The following MYH15 variants were observed in gnomAD, a reference collection of about 807,000 sequenced individuals.
MYH15 encodes myosin-15.
In MYH15, 227 loss-of-function variants were observed where a neutral mutation model predicts 240.5. The ratio of observed to expected loss-of-function variants is 0.94; its 90% confidence interval spans 0.85 to 1.05. The LOEUF (loss-of-function observed/expected upper bound fraction) is 1.05. MYH15 is among the 50% of genes least tolerant of loss of function. The probability of loss-of-function intolerance (pLI) is 0.00; values close to 1 mark genes in which losing one functional copy is unlikely to be tolerated. For missense variants in MYH15, 2,217 were observed against 2,247.5 expected (o/e 0.99, Z 0.27); for synonymous variants, 785 against 796.7 (o/e 0.99, Z 0.25).
chr3:108,432,734 GC>G (rs576822965), intron 25 of MYH15, among the ~76,000 whole-genome samples: 105 of 152,322 alleles, frequency 6.9e-4, no homozygotes, highest in Non-Finnish European at 1.1e-3. Flanking sequence ...GAGGGTGCAA[GC>G]CCCAAGCCTT....
chr3:108,498,015 C>T, intron 6 of MYH15, 37 bp downstream of exon 6: 1 of 1,571,958 alleles, frequency 6.4e-7, no homozygotes, highest in Non-Finnish European at 8.8e-7. Context: ...TGGATAGGGC[C>T]ACCTCATCTT....
intron 18 of MYH15, 30 bp downstream of exon 18, chr3:108,459,332 G>T: frequency 6.6e-6 from 9 of 1,367,254 alleles, no homozygotes; most frequent in Non-Finnish European, 9.2e-6. Context: ...CTATTTCCTA[G>T]TGTGAATTAC....
chr3:108,486,147 A>G (rs753246869), intron 10 of MYH15, among the ~76,000 whole-genome samples: 1 of 152,248 alleles, frequency 6.6e-6, no homozygotes, highest in Non-Finnish European at 1.5e-5. Flanking sequence ...CTGCAAATAG[A>G]TAAAAACAGA....
Position 108,455,721 on chromosome 3 carries a change from C to T in MYH15, c.2262+15G>A, listed in dbSNP as rs762894192. The T allele has an allele frequency of 6.2e-6, 10 of 1,612,750 alleles. No homozygotes were observed. In the Admixed American group the frequency reaches 1.7e-4, roughly 27 times the overall value. On this transcript the variant is annotated intron_variant, in intron 20 of 40. Transcript: ENST00000693548. ...CATTCGTCTCCAAATGCATTCTTTGCAGTTTTCTGGTTACCTTAGTGATTC... is the reference window on the plus strand; with the variant it reads ...CATTCGTCTCCAAATGCATTCTTTGTAGTTTTCTGGTTACCTTAGTGATTC...
At chr3:108,445,505 A>G (rs997605398) in intron 21 of MYH15, among the ~76,000 whole-genome samples, 1 of 152,184 alleles carries the variant, frequency 6.6e-6, no homozygotes, top group African/African-American at 2.4e-5. Context: ...TATCCAAGAA[A>G]TTAGCACAGT....
chr3:108,391,901 C>G lies in MYH15; in HGVS notation c.5289G>C (p.Lys1763Asn). 1 of 1,614,094 alleles carries G rather than the reference C, an allele frequency of 6.2e-7. No homozygotes were observed. The highest frequency in any genetic ancestry group is 1.6e-4 in the Middle Eastern group (1 of 6,062). Residue 1763 changes from lysine to asparagine, a missense_variant, in exon 37 of 41, where the codon AAG (lysine) becomes AAC (asparagine). Lys to Asn is a moderately conservative substitution (Grantham distance 94). Transcript: ENST00000693548. The part of the protein sequence containing the change: ...EAANLSEELK[K>N]KQDTIAHLER... ...CCAAGTGGGCAATGGTGTCTTGCTT[C>G]TTCTTCAGTTCTTCTGACAAGTTTG...
chr3:108,502,172 T>C (rs2083443751), intron 2 of MYH15, among the ~76,000 whole-genome samples: 1 of 152,192 alleles, frequency 6.6e-6, no homozygotes, highest in African/African-American at 2.4e-5. Context: ...ATGTACAATC[T>C]AACCCCTAAC....
rs577782179 is a variant in MYH15 at position 108,498,036 on chromosome 3, C to A, written c.618+16G>T. The A allele has an allele frequency of 1.2e-6, 2 of 1,609,360 alleles. No homozygotes were observed. Among genetic ancestry groups the A allele is most frequent in the African/African-American group, 2.7e-5 (2 of 74,782 alleles). ...GGGCCACCTCATCTTTTCTACCAAG[C>A]TATATAAACACTTACCTGCTTTTTC... On this transcript the variant is annotated intron_variant, in intron 6 of 40. Transcript: ENST00000693548.
intron 25 of MYH15, 130 bp downstream of exon 25, chr3:108,437,424 T>A (rs2082848407): frequency 8.2e-7 from 1 of 1,217,398 alleles, no homozygotes; most frequent in Non-Finnish European, 1.1e-6. Context: ...AATTGTTTCC[T>A]AGGCTTGTTA....
chr3:108,475,795 G>A (rs910453209), intron 12 of MYH15, among the ~76,000 whole-genome samples: 1 of 152,130 alleles, frequency 6.6e-6, no homozygotes, highest in South Asian at 2.1e-4. Context: ...ATGCTTAGAT[G>A]GTCTCATTAC....
At chr3:108,457,669 ATAAACT>A (rs931464268) in intron 18 of MYH15, among the ~76,000 whole-genome samples, 2 of 152,216 alleles carry the variant, frequency 1.3e-5, no homozygotes, top group African/African-American at 4.8e-5. Context: ...GGTCACAGAA[ATAAACT>A]TAAATCATAT....
At chr3:108,478,618 C>G (rs1166864392) in intron 11 of MYH15, among the ~76,000 whole-genome samples, 3 of 151,624 alleles carry the variant, frequency 2.0e-5, no homozygotes, top group Non-Finnish European at 4.4e-5. Flanking sequence ...GCCTGGCAAC[C>G]TGAGTGGAGA....
chr3:108,547,558 A>T, the MYH15 span, among the ~76,000 whole-genome samples: 1 of 152,252 alleles, frequency 6.6e-6, no homozygotes, highest in East Asian at 1.9e-4. Context: ...TATGCTTAAC[A>T]TGCCTATTTA....
chr3:108,520,297 TA>T (rs1176882235), intron 1 of MYH15, among the ~76,000 whole-genome samples: 9 of 152,232 alleles, frequency 5.9e-5, no homozygotes, highest in Non-Finnish European at 1.3e-4. Flanking sequence ...TTGTTTCGTA[TA>T]ACAACCCCCA....
At chr3:108,498,863 C>T (rs185431829) in intron 5 of MYH15, among the ~76,000 whole-genome samples, 76 of 152,342 alleles carry the variant, frequency 5.0e-4, no homozygotes, top group African/African-American at 1.8e-3. Context: ...AGGACTTTAG[C>T]ACTTCACAGC....
chr3:108,394,183 G>C (rs886175433), intron 35 of MYH15, 27 bp from the exon 36 acceptor site: 4 of 1,612,986 alleles, frequency 2.5e-6, no homozygotes, highest in Non-Finnish European at 3.4e-6. Context: ...TTCCTATTAG[G>C]CAAGTAAAAA....
In MYH15 at chr3:108,493,304, C is replaced by CAA. The variant is rs34979792; in HGVS notation, c.712-129_712-128dup. 7.0e-3 allele frequency: 3,269 copies of CAA among 464,414 alleles called. 1 individual carries two copies. The highest frequency in any genetic ancestry group is 8.6e-3 in the Non-Finnish European group (2,279 of 263,718). The allele number at this position is 464,414 out of a possible 1,614,324, so 28.8% of individuals were successfully genotyped here. A position where few individuals can be genotyped will look rare whatever the true frequency, so the allele number is the denominator to read the frequency against. ...TACTTCCCCAGAAGTAAAAAACAAA[C>CAA]AAAAAAAAAAAAGAAAGAAAGAAAA... is the stretch of plus-strand genomic sequence containing the variant. On this transcript the variant is annotated intron_variant, in intron 7 of 40. Transcript: ENST00000693548.
chr3:108,381,706 G>A lies in MYH15; in HGVS notation c.5767-147C>T, dbSNP rs2107529878. 4.5e-6 allele frequency: 4 copies of A among 881,632 alleles called. No individual in the cohort carries two copies. The East Asian group carries it at 9.7e-5, about 21-fold the overall frequency. 54.6% of individuals were successfully genotyped at this position (881,632 alleles called of 1,614,324 possible). The stretch of plus-strand genomic sequence containing the variant: ...ACTTCAAAGGGAGGCAGGGAATTGA[G>A]GCAATTATCTGCATTACAGAAAGCA... On this transcript the variant is annotated intron_variant, in intron 40 of 40. Coordinates refer to ENST00000693548, the MANE Select transcript of MYH15 (RefSeq NM_014981.3).
Position 108,410,639 on chromosome 3 carries a change from T to C in MYH15, c.4439A>G (p.Tyr1480Cys), listed in dbSNP as rs747338176. The change falls in exon 31 of 41, where the codon TAT (tyrosine) becomes TGT (cysteine). Residue 1480 changes from tyrosine to cysteine, a missense_variant. Physicochemically the swap from Tyr to Cys is radical, Grantham distance 194. Transcript: ENST00000693548. ...STELLKLKNT[Y>C]EESIVGQETL... The stretch of plus-strand genomic sequence containing the variant: ...CTCCTGGCCCACGATGCTCTCCTCA[T>C]AGGTGTTCTTGAGCTTGAGGAGCTC... The C allele has an allele frequency of 3.1e-6, 5 of 1,614,014 alleles. No homozygotes were observed. Among genetic ancestry groups the C allele is most frequent in the South Asian group, 2.2e-5 (2 of 91,084 alleles).
Sources: allele counts gnomAD v4.1 joint callset (sites outside exome capture counted in the v4.1 genomes callset), GRCh38; gene constraint gnomAD v4.1.1; transcripts MANE v1.5; gene names NCBI Gene and HGNC (gene_info 2026-07-23, HGNC 2026-07-21).